Variants in NBAS observed in about 807,000 individuals in gnomAD.
NBAS encodes NBAS subunit of NRZ tethering complex.
A neutral mutation model predicts 302.5 loss-of-function variants in NBAS; 219 were observed. The ratio of observed to expected loss-of-function variants is 0.72; its 90% CI spans 0.65 to 0.81. The LOEUF (loss-of-function observed/expected upper bound fraction) is 0.81, where lower values mean the gene tolerates loss of function less well. Among genes scored for constraint, NBAS ranks in the 30% least tolerant of loss-of-function variants. NBAS has a pLI of 0.00. For missense variants in NBAS, 2,932 were observed against 2,841.6 expected (o/e 1.03, Z -0.72); for synonymous variants, 1,118 against 1,021.6 (o/e 1.09, Z -1.80).
intron 2 of NBAS, among the ~76,000 whole-genome samples, chr2:15,558,131 G>C (rs147073315): frequency 3.9e-5 from 6 of 152,264 alleles, no homozygotes; most frequent in South Asian, 2.1e-4. Flanking sequence ...ATTTTTCCAT[G>C]CAACCTAGAT....
At chr2:15,000,147 G>A in the NBAS span, among the ~76,000 whole-genome samples, 5 of 152,116 alleles carry the variant, frequency 3.3e-5, no homozygotes, top group African/African-American at 9.7e-5. Flanking sequence ...ACATGTGGGC[G>A]GTGAGATTGC....
intron 45 of NBAS, among the ~76,000 whole-genome samples, chr2:15,235,964 A>C (rs1049585649): frequency 1.3e-5 from 2 of 152,232 alleles, no homozygotes; most frequent in African/African-American, 4.8e-5. Flanking sequence ...CTTCATGAGG[A>C]TATAAGTTTT....
At chr2:15,010,517 C>A in the NBAS span, among the ~76,000 whole-genome samples, 1 of 151,940 alleles carries the variant, frequency 6.6e-6, no homozygotes, top group African/African-American at 2.4e-5. Flanking sequence ...ATGAGGTAAA[C>A]CAATGTGAAA....
intron 37 of NBAS, 140 bp downstream of exon 37, chr2:15,328,058 CA>C (rs1258940279): frequency 1.5e-5 from 17 of 1,153,452 alleles, no homozygotes; most frequent in East Asian, 9.9e-5. Context: ...TAATATATAC[CA>C]AAAAAATGTA....
At chr2:15,184,464 C>T (rs1259227031) in intron 50 of NBAS, among the ~76,000 whole-genome samples, 2 of 151,776 alleles carry the variant, frequency 1.3e-5, no homozygotes, top group Non-Finnish European at 2.9e-5. Flanking sequence ...CACCGAGGGG[C>T]GATGGGCTAC....
intron 35 of NBAS, among the ~76,000 whole-genome samples, chr2:15,340,584 G>A (rs1672801745): frequency 6.6e-6 from 1 of 152,060 alleles, no homozygotes; most frequent in African/African-American, 2.4e-5. Flanking sequence ...GAGAGGTCAG[G>A]GCTAGAGCTA....
intron 28 of NBAS, among the ~76,000 whole-genome samples, chr2:15,385,666 T>C (rs1424049931): frequency 6.6e-6 from 1 of 152,154 alleles, no homozygotes; most frequent in Non-Finnish European, 1.5e-5. Flanking sequence ...AAAACTTGCA[T>C]TTGTGAAGAT....
At chr2:15,279,248 G>A (rs559453083) in intron 42 of NBAS, among the ~76,000 whole-genome samples, 2 of 152,092 alleles carry the variant, frequency 1.3e-5, no homozygotes, top group South Asian at 4.2e-4. Context: ...GTTAAAGTTG[G>A]GTAATTATCA....
chr2:14,795,323 T>C, the NBAS span, among the ~76,000 whole-genome samples: 1 of 152,188 alleles, frequency 6.6e-6, no homozygotes, highest in Non-Finnish European at 1.5e-5. Context: ...CACGGTGACT[T>C]TAATTTGCAT....
At chr2:15,416,762 C>T (rs1047457607) in intron 24 of NBAS, among the ~76,000 whole-genome samples, 5 of 147,186 alleles carry the variant, frequency 3.4e-5, no homozygotes, top group East Asian at 2.0e-4. Flanking sequence ...GCCAAGATCA[C>T]GTCACTGCAC....
At chr2:15,040,027 C>G in the NBAS span, among the ~76,000 whole-genome samples, 5 of 152,142 alleles carry the variant, frequency 3.3e-5, no homozygotes, top group African/African-American at 1.2e-4. Flanking sequence ...GACAGCTCAG[C>G]AGAGAGAGAG....
At chr2:14,861,154 T>C in the NBAS span, among the ~76,000 whole-genome samples, 1 of 152,238 alleles carries the variant, frequency 6.6e-6, no homozygotes, top group African/African-American at 2.4e-5. Flanking sequence ...TCCCATACTT[T>C]GAGTTCTATG....
chr2:15,084,212 T>A, the NBAS span, among the ~76,000 whole-genome samples: 2 of 151,948 alleles, frequency 1.3e-5, no homozygotes, highest in Non-Finnish European at 2.9e-5. Flanking sequence ...CCACCTATAG[T>A]GTATGCCTGC....
At chr2:15,119,034 C>A in the NBAS span, among the ~76,000 whole-genome samples, 2 of 152,180 alleles carry the variant, frequency 1.3e-5, no homozygotes, top group East Asian at 3.9e-4. Context: ...GGTGTGCTGG[C>A]CTCAGGGGTG....
At chr2:15,501,111 C>T (rs967452133) in intron 11 of NBAS, among the ~76,000 whole-genome samples, 5 of 151,758 alleles carry the variant, frequency 3.3e-5, no homozygotes, top group African/African-American at 9.7e-5. Flanking sequence ...ACCATCCTGG[C>T]TAACATGGTG....
chr2:15,461,999 T>C (rs1679527076), intron 19 of NBAS, among the ~76,000 whole-genome samples: 1 of 152,256 alleles, frequency 6.6e-6, no homozygotes, highest in East Asian at 1.9e-4. Flanking sequence ...GTTATTTTTT[T>C]AATCCGGAAG....
At position 15,174,062 on chromosome 2, in the gene NBAS, G is replaced by A. The variant is rs554028060; in HGVS notation, c.6840+4926C>T. ...GGAATCCCAGGCTGACCTGCAGAGT[G>A]AGCTGCCTATTGCTGGACGCATCCA... On this transcript the variant is annotated intron_variant, in intron 51 of 51. Transcript: ENST00000281513. Among the ~76,000 whole-genome samples the A allele has an allele frequency of 4.9e-4, 74 of 152,314 alleles. 1 individual carries two copies. Among genetic ancestry groups the A allele is most frequent in the Non-Finnish European group, 8.8e-5 (6 of 68,038 alleles).
chr2:15,051,987 T>C, the NBAS span, among the ~76,000 whole-genome samples: 1 of 152,224 alleles, frequency 6.6e-6, no homozygotes, highest in East Asian at 1.9e-4. Flanking sequence ...CTTCCTTCTA[T>C]GCTGCCTGTA....
chr2:15,358,785 AT>A (rs1177420609), intron 32 of NBAS, among the ~76,000 whole-genome samples: 3 of 152,134 alleles, frequency 2.0e-5, no homozygotes, highest in African/African-American at 7.2e-5. Context: ...CCGGCCTGTG[AT>A]CTGCAAAAGC....
Sources: allele counts gnomAD v4.1 joint callset (sites outside exome capture counted in the v4.1 genomes callset), GRCh38; gene constraint gnomAD v4.1.1; transcripts MANE v1.5; gene names NCBI Gene and HGNC (gene_info 2026-07-23, HGNC 2026-07-21).